CDH20: variants seen among roughly 807,000 people sequenced by gnomAD.
The protein encoded by CDH20 is cadherin 20.
A neutral mutation model predicts 74.2 loss-of-function variants in CDH20; 29 were observed. The observed-to-expected ratio is 0.39, with a 90% CI of 0.29 to 0.53. The LOEUF is 0.53. Among genes scored for constraint, CDH20 ranks in the 20% least tolerant of loss-of-function variants. The pLI is 0.69. For synonymous variants in CDH20, 469 were observed against 405.4 expected (o/e 1.16, Z -1.88); for missense variants, 988 against 1,048.3 (o/e 0.94, Z 0.79).
chr18:61,511,235 C>A (rs751877809), intron 6 of CDH20, among the ~76,000 whole-genome samples: 1 of 151,658 alleles, frequency 6.6e-6, no homozygotes, highest in Non-Finnish European at 1.5e-5. Context: ...TGGCTCACTG[C>A]AGCCTGTAGT....
intron 1 of CDH20, among the ~76,000 whole-genome samples, chr18:61,346,840 A>G (rs564344870): frequency 6.6e-6 from 1 of 152,242 alleles, no homozygotes; most frequent in African/African-American, 2.4e-5. Flanking sequence ...TTTCAAAAGA[A>G]AAGTCAAATA....
chr18:61,477,519 T>C (rs958655930), intron 1 of CDH20, among the ~76,000 whole-genome samples: 8 of 152,224 alleles, frequency 5.3e-5, no homozygotes, highest in Admixed American at 2.0e-4. Flanking sequence ...ATAAACAGCG[T>C]TCTTGAGAAC....
intron 1 of CDH20, among the ~76,000 whole-genome samples, chr18:61,457,126 A>G (rs1251270954): frequency 6.6e-6 from 1 of 151,946 alleles, no homozygotes; most frequent in African/African-American, 2.4e-5. Flanking sequence ...TTTTTCTTCC[A>G]TTGTAGAGCA....
rs200297985 is a variant in CDH20 at position 61,336,851 on chromosome 18, T to TA, written c.-153+3034dup. ...GTGATGAGAATAGGTCTTTTCACCC[T>TA]AAAAAAAAAATGTCCACTTTGGAAG... is the stretch of plus-strand genomic sequence containing the variant. On this transcript the variant is annotated intron_variant, in intron 1 of 11. Transcript: ENST00000262717. 9.6e-3 allele frequency among the ~76,000 whole-genome samples: 1,413 copies of TA among 147,278 alleles called. 15 individuals carry two copies. The highest frequency in any genetic ancestry group is 0.057 in the Middle Eastern group (16 of 282).
At chr18:61,530,319 A>T (rs970254409) in intron 7 of CDH20, among the ~76,000 whole-genome samples, 8 of 152,194 alleles carry the variant, frequency 5.3e-5, no homozygotes, top group African/African-American at 1.9e-4. Flanking sequence ...TTCAAAACCC[A>T]TTTGGGAATT....
intron 11 of CDH20, among the ~76,000 whole-genome samples, chr18:61,551,050 T>C (rs1214596583): frequency 1.3e-5 from 2 of 152,168 alleles, no homozygotes; most frequent in Non-Finnish European, 2.9e-5. Context: ...AGGCTAGCAG[T>C]GGCAGAACAC....
intron 1 of CDH20, among the ~76,000 whole-genome samples, chr18:61,399,270 T>C (rs896056501): frequency 1.3e-5 from 2 of 152,178 alleles, no homozygotes; most frequent in African/African-American, 4.8e-5. Context: ...AGAAGTTTAG[T>C]GAATGTTCCT....
chr18:61,410,366 A>T (rs1460002547), intron 1 of CDH20, among the ~76,000 whole-genome samples: 1 of 152,222 alleles, frequency 6.6e-6, no homozygotes, highest in Non-Finnish European at 1.5e-5. Context: ...TTGAAATTTT[A>T]AAAAATACAT....
chr18:61,421,343 G>A (rs958954930), intron 1 of CDH20, among the ~76,000 whole-genome samples: 1 of 152,122 alleles, frequency 6.6e-6, no homozygotes, highest in Non-Finnish European at 1.5e-5. Context: ...TTCACTTAAT[G>A]AAATTCATAA....
intron 1 of CDH20, among the ~76,000 whole-genome samples, chr18:61,396,117 G>A (rs887062611): frequency 2.0e-5 from 3 of 151,426 alleles, no homozygotes; most frequent in African/African-American, 4.9e-5. Context: ...GGTAAATTAG[G>A]AACAAGCACC....
chr18:61,507,470 G>A lies in CDH20; in HGVS notation c.927G>A (p.Met309Ile). Residue 309 changes from methionine (M) to isoleucine (I), a missense_variant, in exon 6 of 12, where the codon ATG becomes ATA. Met to Ile is a conservative substitution (Grantham distance 10). Coordinates refer to ENST00000262717, the MANE Select transcript of CDH20 (RefSeq NM_031891.4). ...TGGATGAAGGCATCAATGCAGAGAT[G>A]AAATATACTATTGTGGATGGAGATG... ...KDLDEGINAE[M>I]KYTIVDGDGA... The A allele has an allele frequency of 6.2e-7, 1 of 1,614,000 alleles. No individual in the cohort carries two copies. The highest frequency in any genetic ancestry group is 8.5e-7 in the Non-Finnish European group (1 of 1,179,928).
At chr18:61,486,221 TCCACC>T (rs1910758753) in intron 1 of CDH20, among the ~76,000 whole-genome samples, 1 of 152,154 alleles carries the variant, frequency 6.6e-6, no homozygotes. Flanking sequence ...AACCATACTA[TCCACC>T]CTGTCCAAGA....
intron 1 of CDH20, among the ~76,000 whole-genome samples, chr18:61,448,917 A>T (rs1175095653): frequency 6.6e-6 from 1 of 152,190 alleles, no homozygotes; most frequent in African/African-American, 2.4e-5. Context: ...AAGTGGCCAT[A>T]GCAATCTCTT....
rs552639999 is a variant in CDH20 at position 61,555,650 on chromosome 18, A to G, written c.*955A>G. On this transcript the variant is annotated 3_prime_UTR_variant, in exon 12 of 12. Transcript: ENST00000262717. ...ACTTGAACAAAAATCAGTATTATAG[A>G]GAATAAATGGATGTAAGAAAATTAC... 9.2e-6 allele frequency: 9 copies of G among 982,106 alleles called. No individual in the cohort carries two copies. The South Asian group carries it at 2.8e-4, about 31-fold the overall frequency. 60.8% of individuals were successfully genotyped at this position (982,106 alleles called of 1,614,324 possible).
chr18:61,354,298 A>G (rs1599032304), intron 1 of CDH20, among the ~76,000 whole-genome samples: 1 of 152,164 alleles, frequency 6.6e-6, no homozygotes, highest in East Asian at 1.9e-4. Context: ...AAGTCACGCA[A>G]GCCTCTGGCA....
intron 1 of CDH20, among the ~76,000 whole-genome samples, chr18:61,374,724 A>G (rs994959122): frequency 6.6e-6 from 1 of 152,056 alleles, no homozygotes; most frequent in Middle Eastern, 3.2e-3. Flanking sequence ...TGTGTGTTAA[A>G]GAGCTAATTT....
At chr18:61,500,242 A>T in intron 3 of CDH20, 141 bp from the exon 4 acceptor site, 1 of 721,426 alleles carries the variant, frequency 1.4e-6, no homozygotes, top group East Asian at 2.7e-5. Context: ...ACAAGATAAG[A>T]GTTATGGAAG....
chr18:61,477,684 T>G (rs1910440826), intron 1 of CDH20, among the ~76,000 whole-genome samples: 1 of 151,816 alleles, frequency 6.6e-6, no homozygotes, highest in Admixed American at 6.5e-5. Flanking sequence ...AAATATATAT[T>G]ATAATTAGCT....
In CDH20 at chr18:61,523,175, T is replaced by C. The variant is rs1156675271; in HGVS notation, c.1018-4792T>C. Among the ~76,000 whole-genome samples the C allele has an allele frequency of 3.3e-5, 5 of 150,108 alleles. No homozygotes were observed. In the East Asian group the frequency reaches 7.8e-4, roughly 24 times the overall value. On this transcript the variant is annotated intron_variant, in intron 6 of 11. Coordinates refer to ENST00000262717, the MANE Select transcript of CDH20 (RefSeq NM_031891.4). ...TTGCAATCTATCCATCTGACAAAGG[T>C]CTAATATCCAGAATCTACAAGGAAC...
Sources: gnomAD v4.1 joint callset for allele counts (sites outside exome capture counted in the v4.1 genomes callset) on GRCh38, gnomAD v4.1.1 for gene constraint, MANE v1.5 for transcripts, NCBI Gene and HGNC (gene_info 2026-07-23, HGNC 2026-07-21) for gene names.